Variants in KIF6 observed in about 807,000 individuals in gnomAD.
The protein encoded by KIF6 is kinesin family member 6.
KIF6 carries 106 observed loss-of-function variants against 112.7 expected under a neutral mutation model. The observed-to-expected ratio is 0.94, with a 90% CI of 0.80 to 1.11. The LOEUF (loss-of-function observed/expected upper bound fraction) is 1.11, where lower values mean the gene tolerates loss of function less well. KIF6 is among the 50% of genes least tolerant of loss of function. KIF6 has a pLI of 0.00. For missense variants in KIF6, 929 were observed against 964.0 expected (o/e 0.96, Z 0.48); for synonymous variants, 339 against 339.9 (o/e 1.00, Z 0.03).
At chr6:39,483,836 C>T (rs1774953946) in intron 13 of KIF6, among the ~76,000 whole-genome samples, 1 of 152,168 alleles carries the variant, frequency 6.6e-6, no homozygotes, top group Non-Finnish European at 1.5e-5. Flanking sequence ...TGGTGAAAGA[C>T]CAGGTATCTA....
chr6:39,705,604 A>G (rs1450806677), intron 3 of KIF6, among the ~76,000 whole-genome samples: 3 of 152,196 alleles, frequency 2.0e-5, no homozygotes, highest in Admixed American at 6.5e-5. Context: ...AAAGGTAAAG[A>G]GGAGACCTTG....
intron 13 of KIF6, among the ~76,000 whole-genome samples, chr6:39,464,723 C>G (rs894685671): frequency 6.6e-6 from 1 of 152,108 alleles, no homozygotes; most frequent in Non-Finnish European, 1.5e-5. Context: ...GCAGGATTCA[C>G]GCTAACAAGA....
chr6:39,565,039 G>A (rs904040421), intron 10 of KIF6, among the ~76,000 whole-genome samples: 1 of 152,180 alleles, frequency 6.6e-6, no homozygotes, highest in African/African-American at 2.4e-5. Context: ...TATCCATATT[G>A]TACTGAGAAG....
intron 13 of KIF6, among the ~76,000 whole-genome samples, chr6:39,533,292 C>T (rs575813168): frequency 8.5e-5 from 13 of 152,280 alleles, no homozygotes; most frequent in African/African-American, 2.6e-4. Flanking sequence ...CCCGGAAAAT[C>T]GGGTCACTCC....
chr6:39,541,209 T>C (rs1778765620), intron 12 of KIF6, among the ~76,000 whole-genome samples: 1 of 152,232 alleles, frequency 6.6e-6, no homozygotes, highest in African/African-American at 2.4e-5. Flanking sequence ...ATATTTATTC[T>C]TGGACAAGCA....
chr6:39,623,894 G>C (rs976418284), intron 5 of KIF6, among the ~76,000 whole-genome samples: 1 of 152,040 alleles, frequency 6.6e-6, no homozygotes, highest in African/African-American at 2.4e-5. Flanking sequence ...CATTCTAAAG[G>C]CTCTTCCCAT....
intron 19 of KIF6, among the ~76,000 whole-genome samples, chr6:39,355,765 AG>A (rs1360098476): frequency 2.0e-5 from 3 of 147,146 alleles, no homozygotes; most frequent in Non-Finnish European, 4.5e-5. Flanking sequence ...CCTGGACAAT[AG>A]TTGTTTTTTA....
chr6:39,444,886 C>G (rs1772206059), intron 13 of KIF6, among the ~76,000 whole-genome samples: 1 of 151,680 alleles, frequency 6.6e-6, no homozygotes, highest in Non-Finnish European at 1.5e-5. Flanking sequence ...GGACCAAAAC[C>G]CATCAATTTG....
intron 15 of KIF6, among the ~76,000 whole-genome samples, chr6:39,387,496 G>C (rs1767526005): frequency 6.6e-6 from 1 of 152,194 alleles, no homozygotes; most frequent in Non-Finnish European, 1.5e-5. Context: ...TATGCATAGA[G>C]AGCGTGGCAG....
intron 3 of KIF6, among the ~76,000 whole-genome samples, chr6:39,709,609 G>A (rs886312504): frequency 2.6e-5 from 4 of 152,172 alleles, no homozygotes; most frequent in African/African-American, 4.8e-5. Context: ...TGGTTTGGAC[G>A]AAGTAGAAAA....
intron 15 of KIF6, among the ~76,000 whole-genome samples, chr6:39,387,243 T>A (rs1172021977): frequency 6.6e-6 from 1 of 152,226 alleles, no homozygotes; most frequent in Admixed American, 6.5e-5. Context: ...GCTATGTGCC[T>A]GGCCTGTTTT....
intron 10 of KIF6, among the ~76,000 whole-genome samples, chr6:39,567,284 C>T (rs986949886): frequency 6.6e-6 from 1 of 152,196 alleles, no homozygotes; most frequent in Non-Finnish European, 1.5e-5. Flanking sequence ...TTACTACTCT[C>T]ACACAAAAGA....
intron 13 of KIF6, among the ~76,000 whole-genome samples, chr6:39,515,371 T>C (rs957306552): frequency 6.6e-6 from 1 of 152,196 alleles, no homozygotes; most frequent in Non-Finnish European, 1.5e-5. Context: ...TCCCTGGCAT[T>C]TGATCTGTAC....
At chr6:39,719,989 T>G (rs1186263967) in intron 2 of KIF6, among the ~76,000 whole-genome samples, 1 of 151,840 alleles carries the variant, frequency 6.6e-6, no homozygotes, top group Non-Finnish European at 1.5e-5. Context: ...TCTTAAAAAT[T>G]TAAAATAAAA....
chr6:39,493,227 A>G (rs963362906), intron 13 of KIF6, among the ~76,000 whole-genome samples: 1 of 152,188 alleles, frequency 6.6e-6, no homozygotes, highest in African/African-American at 2.4e-5. Context: ...ATATTATGGA[A>G]TTTTAGCACT....
chr6:39,687,097 G>A lies in KIF6; in HGVS notation c.251+27595C>T, dbSNP rs140553477. 1.1e-4 allele frequency among the ~76,000 whole-genome samples: 16 copies of A among 152,236 alleles called. No homozygotes were observed. The East Asian group carries it at 3.1e-3, about 29-fold the overall frequency. ...AGTCCAGAATCAACACACTGCAGCTGCATTCAATAGCAGCGCCACAACACA... is the reference window on the plus strand; with the variant it reads ...AGTCCAGAATCAACACACTGCAGCTACATTCAATAGCAGCGCCACAACACA... On this transcript the variant is annotated intron_variant, in intron 3 of 22. Coordinates refer to ENST00000287152, the MANE Select transcript of KIF6 (RefSeq NM_145027.6).
chr6:39,539,474 G>A (rs902809153), intron 13 of KIF6, among the ~76,000 whole-genome samples: 7 of 152,052 alleles, frequency 4.6e-5, no homozygotes, highest in Admixed American at 1.3e-4. Context: ...CTCCTGAGTA[G>A]CTGGGATTAC....
At chr6:39,688,101 C>T (rs1297823861) in intron 3 of KIF6, among the ~76,000 whole-genome samples, 1 of 152,206 alleles carries the variant, frequency 6.6e-6, no homozygotes, top group African/African-American at 2.4e-5. Context: ...TGAGAAGGAA[C>T]TCATCTTCAG....
rs1299797851 is a variant in KIF6 at position 39,343,316 on chromosome 6, T to C, written c.2428+393A>G. 1 of 1,294,610 alleles carries C rather than the reference T, an allele frequency of 7.7e-7. No individual in the cohort carries two copies. The highest frequency in any genetic ancestry group is 1.2e-5 in the South Asian group (1 of 81,056). 80.2% of individuals were successfully genotyped at this position (1,294,610 alleles called of 1,614,324 possible). On this transcript the variant is annotated intron_variant, in intron 22 of 22. Coordinates refer to ENST00000287152, the MANE Select transcript of KIF6 (RefSeq NM_145027.6). This position sits in a 1 kb window ranked among gnomAD's most constrained non-coding sequence, Gnocchi z 4.1. ...CAAGAACCACACTCTGATAGGGGAG[T>C]GAGACTTTAAGCCAGGGGTTCAACG... is the stretch of plus-strand genomic sequence containing the variant.
Sources: gnomAD v4.1 joint callset for allele counts (sites outside exome capture counted in the v4.1 genomes callset) on GRCh38, gnomAD v4.1.1 for gene constraint, Gnocchi (gnomAD v3.1) non-coding constraint, MANE v1.5 for transcripts, NCBI Gene and HGNC (gene_info 2026-07-23, HGNC 2026-07-21) for gene names.